Variants in COG6 observed in about 807,000 individuals in gnomAD.
COG6 encodes the protein conserved oligomeric Golgi complex subunit 6.
A neutral mutation model predicts 88.8 loss-of-function variants in COG6; 74 were observed. The ratio of observed to expected loss-of-function variants is 0.83; its 90% confidence interval spans 0.69 to 1.01. COG6 has a LOEUF of 1.01. Among genes scored for constraint, COG6 ranks in the 50% least tolerant of loss-of-function variants. The pLI, the probability that COG6 is intolerant of heterozygous loss-of-function variation, is 0.00. For missense variants in COG6, 800 were observed against 797.9 expected, an observed-to-expected ratio of 1.00 and a Z score of -0.03; for synonymous variants, 286 against 278.7, an observed-to-expected ratio of 1.03 and a Z score of -0.26.
At chr13:39,777,513 C>T (rs1392853184) in intron 18 of COG6, among the ~76,000 whole-genome samples, 4 of 152,070 alleles carry the variant, frequency 2.6e-5, no homozygotes, top group Non-Finnish European at 5.9e-5. Context: ...GAGAAGAAAC[C>T]GGCCAGGTTT....
At chr13:39,737,022 A>G (rs1227434254) in intron 18 of COG6, among the ~76,000 whole-genome samples, 1 of 152,160 alleles carries the variant, frequency 6.6e-6, no homozygotes, top group African/African-American at 2.4e-5. Context: ...CTGCAGCCAT[A>G]TCTACATTAG....
chr13:39,728,807 G>A (rs145919315), intron 18 of COG6, among the ~76,000 whole-genome samples: 2,765 of 151,814 alleles, frequency 0.018, 38 homozygotes, highest in South Asian at 0.051. Context: ...TGGGAGTACA[G>A]GCGCCCACCT....
intron 18 of COG6, among the ~76,000 whole-genome samples, chr13:39,773,289 A>C (rs1024301152): frequency 6.6e-6 from 1 of 152,270 alleles, no homozygotes; most frequent in South Asian, 2.1e-4. Context: ...AAGCCACAAT[A>C]GGCACTTTCC....
intron 18 of COG6, among the ~76,000 whole-genome samples, chr13:39,767,787 A>T (rs1317569377): frequency 6.6e-6 from 1 of 152,222 alleles, no homozygotes; most frequent in Non-Finnish European, 1.5e-5. Flanking sequence ...TCTGCCACGA[A>T]GGCAACTAGA....
At chr13:39,747,212 T>A (rs1880395008) in intron 18 of COG6, among the ~76,000 whole-genome samples, 2 of 152,308 alleles carry the variant, frequency 1.3e-5, no homozygotes, top group African/African-American at 4.8e-5. Flanking sequence ...TAGAAAATAC[T>A]TAATAAAAGT....
rs148267989 is a variant in COG6 at position 39,678,326 on chromosome 13, G to A, written c.540+747G>A. Among the ~76,000 whole-genome samples the A allele has an allele frequency of 1.5e-4, 23 of 152,070 alleles. No individual in the cohort carries two copies. In the East Asian group the frequency reaches 4.3e-3, roughly 28 times the overall value. On this transcript the variant is annotated intron_variant, in intron 5 of 18. Transcript: ENST00000455146. ...TGAGCTCAAGCGATGTGCCTACCTC[G>A]GCCTCCCAAAGTGCTGGGACTATAG...
At chr13:39,693,244 G>T (rs891041250) in intron 11 of COG6, among the ~76,000 whole-genome samples, 1 of 151,862 alleles carries the variant, frequency 6.6e-6, no homozygotes. Flanking sequence ...TTCATGGAGA[G>T]AGTTGGAAAT....
At chr13:39,700,232 G>A (rs1236627394) in intron 13 of COG6, among the ~76,000 whole-genome samples, 1 of 151,714 alleles carries the variant, frequency 6.6e-6, no homozygotes, top group Non-Finnish European at 1.5e-5. Flanking sequence ...GTTTTTCAAG[G>A]ATGTGTCACA....
chr13:39,688,752 G>A (rs781117175), intron 10 of COG6, among the ~76,000 whole-genome samples: 1 of 152,186 alleles, frequency 6.6e-6, no homozygotes, highest in Non-Finnish European at 1.5e-5. Context: ...GAGAGTTGCT[G>A]ATGTCTTGTT....
intron 5 of COG6, 64 bp downstream of exon 5, chr13:39,677,643 C>T (rs955775243): frequency 1.1e-6 from 1 of 930,592 alleles, no homozygotes; most frequent in Non-Finnish European, 1.6e-6. Context: ...AGAGAAATTG[C>T]TTTTTTGAAG....
At chr13:39,741,475 A>G (rs1880039024) in intron 18 of COG6, among the ~76,000 whole-genome samples, 1 of 152,226 alleles carries the variant, frequency 6.6e-6, no homozygotes, top group Non-Finnish European at 1.5e-5. Flanking sequence ...AAGCTTCAAT[A>G]GTCGATTTGA....
downstream of COG6, among the ~76,000 whole-genome samples, chr13:39,753,459 T>C (rs1426051859): frequency 6.6e-6 from 1 of 152,196 alleles, no homozygotes; most frequent in Non-Finnish European, 1.5e-5. Flanking sequence ...CATTCAATAT[T>C]GCTTTGTAAT....
At chr13:39,732,806 T>C (rs1427274371) in intron 18 of COG6, among the ~76,000 whole-genome samples, 1 of 152,200 alleles carries the variant, frequency 6.6e-6, no homozygotes, top group African/African-American at 2.4e-5. Flanking sequence ...CATAGTGTAA[T>C]TGAAGCAGAA....
chr13:39,662,589 T>G (rs1359782303), intron 3 of COG6, among the ~76,000 whole-genome samples: 1 of 152,226 alleles, frequency 6.6e-6, no homozygotes, highest in Non-Finnish European at 1.5e-5. Flanking sequence ...AGGCTTGGCA[T>G]TTTTATATGC....
At chr13:39,722,131 C>G (rs1284833514) in intron 15 of COG6, among the ~76,000 whole-genome samples, 3 of 151,882 alleles carry the variant, frequency 2.0e-5, no homozygotes, top group Non-Finnish European at 4.4e-5. Context: ...TAATCTATTT[C>G]TTTGATATTT....
chr13:39,734,628 G>A (rs1447409853), intron 18 of COG6, among the ~76,000 whole-genome samples: 31 of 152,140 alleles, frequency 2.0e-4, no homozygotes, highest in Admixed American at 1.9e-3. Context: ...GGTCTGTAGT[G>A]CAGATTAAGT....
chr13:39,772,800 C>T (rs925901147), intron 18 of COG6, among the ~76,000 whole-genome samples: 1 of 152,214 alleles, frequency 6.6e-6, no homozygotes, highest in Non-Finnish European at 1.5e-5. Context: ...CTCTCCTGCC[C>T]CCATTGAGGA....
At chr13:39,655,995 C>A in intron 1 of COG6, 116 bp downstream of exon 1, 1 of 1,294,756 alleles carries the variant, frequency 7.7e-7, no homozygotes, top group Non-Finnish European at 1.1e-6. Context: ...AGAGGGACCG[C>A]GAGTGACCCC....
chr13:39,739,801 G>A (rs1879953178), intron 18 of COG6, among the ~76,000 whole-genome samples: 1 of 152,024 alleles, frequency 6.6e-6, no homozygotes, highest in African/African-American at 2.4e-5. Context: ...AATGAATTGA[G>A]TCATAAATAT....
Sources: allele counts gnomAD v4.1 joint callset (sites outside exome capture counted in the v4.1 genomes callset), GRCh38; gene constraint gnomAD v4.1.1; transcripts MANE v1.5; gene names NCBI Gene and HGNC (gene_info 2026-07-23, HGNC 2026-07-21).